KIRREL3: variants seen among roughly 807,000 people sequenced by gnomAD.
KIRREL3 encodes the protein kin of IRRE-like protein 3.
KIRREL3 carries 36 observed loss-of-function variants against 89.7 expected under a neutral mutation model. That is an observed-to-expected ratio of 0.40 (90% CI 0.31 to 0.53). The LOEUF is 0.53. KIRREL3 is among the 20% of genes least tolerant of loss of function. The pLI is 0.49. For synonymous variants in KIRREL3, 445 were observed against 441.4 expected, an observed-to-expected ratio of 1.01 and a Z score of -0.10; for missense variants, 864 against 1,056.6, an observed-to-expected ratio of 0.82 and a Z score of 2.53.
chr11:126,451,023 A>C lies in KIRREL3; in HGVS notation c.849-1866T>G, dbSNP rs865919570. Among the ~76,000 whole-genome samples the C allele has an allele frequency of 2.2e-5, 3 of 134,542 alleles. No homozygotes were observed. The South Asian group carries it at 7.4e-4, about 33-fold the overall frequency. The allele number at this position is 134,542 out of a possible 152,430, so 88.3% of individuals were successfully genotyped here. A position where few individuals can be genotyped will look rare whatever the true frequency, so the allele number is the denominator to read the frequency against. On this transcript the variant is annotated intron_variant, in intron 7 of 16. Coordinates refer to ENST00000525144, the MANE Select transcript of KIRREL3 (RefSeq NM_032531.4). ...TGTGTGCACGTGAGTGCATGTGTCC[A>C]TGTGCATGTGTACATGTGTGAGCAT...
intron 1 of KIRREL3, among the ~76,000 whole-genome samples, chr11:126,964,075 A>G (rs925831627): frequency 6.6e-6 from 1 of 152,208 alleles, no homozygotes; most frequent in Non-Finnish European, 1.5e-5. Flanking sequence ...CATCTCTAGC[A>G]ATTAGTGGGC....
rs376101495 is a variant in KIRREL3 at position 126,504,442 on chromosome 11, G to A, written c.433+16873C>T. On this transcript the variant is annotated intron_variant, in intron 4 of 16. Coordinates refer to ENST00000525144, the MANE Select transcript of KIRREL3 (RefSeq NM_032531.4). ...GGCTCTAAGATCCACAGCTGACTTC[G>A]TCACTTCTATGAGTCTTTGTTTACA... is the stretch of plus-strand genomic sequence containing the variant. 4.1e-4 allele frequency among the ~76,000 whole-genome samples: 62 copies of A among 152,258 alleles called. 1 individual carries two copies. Among genetic ancestry groups the A allele is most frequent in the African/African-American group, 1.3e-3 (53 of 41,558 alleles).
chr11:126,705,629 A>G lies in KIRREL3; in HGVS notation c.56-142717T>C, dbSNP rs1947498608. Among the ~76,000 whole-genome samples, 1 of 152,098 alleles carries G rather than the reference A, an allele frequency of 6.6e-6. No individual in the cohort carries two copies. On this transcript the variant is annotated intron_variant, in intron 1 of 16. Transcript: ENST00000525144. The surrounding 1 kb of genome is among the most constrained non-coding windows in gnomAD (Gnocchi z 4.3). ...TATCCCACCTCAGATATTTCTTTAT[A>G]GTAATGTAAGAATGGTCTAACACTA...
intron 1 of KIRREL3, among the ~76,000 whole-genome samples, chr11:126,963,759 T>G (rs1225683791): frequency 6.6e-6 from 1 of 152,202 alleles, no homozygotes; most frequent in Non-Finnish European, 1.5e-5. Flanking sequence ...GCAACTTCCC[T>G]GACTACTCCC....
intron 4 of KIRREL3, among the ~76,000 whole-genome samples, chr11:126,510,294 T>C (rs4937145): frequency 0.37 from 56,222 of 151,832 alleles, 11,444 homozygotes; most frequent in African/African-American, 0.53. Context: ...TCTATTTCCT[T>C]CCTATAGAAA....
chr11:126,746,103 T>C (rs928231426), intron 1 of KIRREL3, among the ~76,000 whole-genome samples: 2 of 152,204 alleles, frequency 1.3e-5, no homozygotes, highest in African/African-American at 4.8e-5. Flanking sequence ...TACCCACCCT[T>C]TAAATGTTGG....
Position 126,811,728 on chromosome 11 carries a change from C to T in KIRREL3, c.55+188727G>A, listed in dbSNP as rs543761325. ...CAGCCTCCCAAGTAGCGGGGATTACCGGCGCCTGCTACCATGCCCAGCTAA... is the reference window on the plus strand; with the variant it reads ...CAGCCTCCCAAGTAGCGGGGATTACTGGCGCCTGCTACCATGCCCAGCTAA... On this transcript the variant is annotated intron_variant, in intron 1 of 16. Coordinates refer to ENST00000525144, the MANE Select transcript of KIRREL3 (RefSeq NM_032531.4). This position sits in a 1 kb window ranked among gnomAD's most constrained non-coding sequence, Gnocchi z 4.3. 2.6e-5 allele frequency among the ~76,000 whole-genome samples: 4 copies of T among 152,006 alleles called. No individual in the cohort carries two copies. Among genetic ancestry groups the T allele is most frequent in the South Asian group, 2.1e-4 (1 of 4,824 alleles).
chr11:126,577,419 G>A (rs1169907509), intron 1 of KIRREL3, among the ~76,000 whole-genome samples: 1 of 151,886 alleles, frequency 6.6e-6, no homozygotes, highest in African/African-American at 2.4e-5. Flanking sequence ...ACTCAGAGTG[G>A]GGAGGGGGTC....
intron 1 of KIRREL3, among the ~76,000 whole-genome samples, chr11:126,922,440 C>A (rs1024605300): frequency 7.9e-5 from 12 of 152,112 alleles, no homozygotes; most frequent in African/African-American, 2.9e-4. Context: ...ATAAGTATTT[C>A]CTCCATGTCC....
chr11:126,591,097 G>A (rs990300945), intron 1 of KIRREL3, among the ~76,000 whole-genome samples: 1 of 152,114 alleles, frequency 6.6e-6, no homozygotes, highest in African/African-American at 2.4e-5. Context: ...ACGGTGGTGT[G>A]TGCCTGTAGT....
In KIRREL3 at chr11:126,526,510, C is replaced by A; in HGVS notation, c.283+28G>T. On this transcript the variant is annotated intron_variant, in intron 3 of 16. Transcript: ENST00000525144. The surrounding 1 kb of genome is among the most constrained non-coding windows in gnomAD (Gnocchi z 5.7). ...GAGTAAGGAAGTGATGGCCCCAGGC[C>A]CACCCCAGGAGGTCTGGAGGTACTC... 6.3e-7 allele frequency: 1 copy of A among 1,597,266 alleles called. No homozygotes were observed. The highest frequency in any genetic ancestry group is 8.6e-7 in the Non-Finnish European group (1 of 1,167,624).
At position 126,448,978 on chromosome 11, in the gene KIRREL3, C is replaced by T. The variant is rs761725081; in HGVS notation, c.997+31G>A. 36 of 1,574,152 alleles carry T rather than the reference C, an allele frequency of 2.3e-5. No homozygotes were observed. In the African/African-American group the frequency reaches 3.5e-4, roughly 15 times the overall value. On this transcript the variant is annotated intron_variant, in intron 8 of 16. Transcript: ENST00000525144. ...AAGCAGAAACCAGTGGATGCCTGCT[C>T]GCCTGGGGAAGCCTGCACCACTGCA...
At chr11:126,616,840 C>T (rs936458227) in intron 1 of KIRREL3, among the ~76,000 whole-genome samples, 1 of 152,134 alleles carries the variant, frequency 6.6e-6, no homozygotes, top group Admixed American at 6.5e-5. Flanking sequence ...CAGGGTCTCA[C>T]TATTTTGCCC....
Position 126,994,028 on chromosome 11 carries a change from C to T in KIRREL3, c.55+6427G>A, listed in dbSNP as rs1194965811. ...CTTATACTGACATACATAGGCCATC[C>T]ATTGCAGTTTTAGTTTCAATTATCA... On this transcript the variant is annotated intron_variant, in intron 1 of 16. Coordinates refer to ENST00000525144, the MANE Select transcript of KIRREL3 (RefSeq NM_032531.4). This position sits in a 1 kb window ranked among gnomAD's most constrained non-coding sequence, Gnocchi z 5.2. Among the ~76,000 whole-genome samples the T allele has an allele frequency of 1.3e-5, 2 of 151,692 alleles. No individual in the cohort carries two copies. The highest frequency in any genetic ancestry group is 4.9e-5 in the African/African-American group (2 of 41,108).
chr11:126,965,253 T>C lies in KIRREL3; in HGVS notation c.55+35202A>G, dbSNP rs1949229429. ...GTTTGATTACTTTCATTTAGTTAAT[T>C]TATATCCCATTGTTCACAAATCTAC... is the stretch of plus-strand genomic sequence containing the variant. On this transcript the variant is annotated intron_variant, in intron 1 of 16. Coordinates refer to ENST00000525144, the MANE Select transcript of KIRREL3 (RefSeq NM_032531.4). The surrounding 1 kb of genome is among the most constrained non-coding windows in gnomAD (Gnocchi z 4.4). 2.0e-5 allele frequency among the ~76,000 whole-genome samples: 3 copies of C among 152,230 alleles called. No individual in the cohort carries two copies. The highest frequency in any genetic ancestry group is 6.5e-5 in the Admixed American group (1 of 15,282).
At chr11:126,510,019 GAAAAAAGA>G (rs1958160550) in intron 4 of KIRREL3, among the ~76,000 whole-genome samples, 4 of 92,144 alleles carry the variant, frequency 4.3e-5, no homozygotes, top group African/African-American at 1.6e-4. Context: ...AAAAAAAAAA[GAAAAAAGA>G]AAAAAAGAAA....
chr11:126,455,301 G>A lies in KIRREL3; in HGVS notation c.848+1048C>T, dbSNP rs1343719446. ...CTCCAAGGTCACTTAGTCTCCTAGA[G>A]TCTTGTGCAGTGACAGTGCCCAGGC... On this transcript the variant is annotated intron_variant, in intron 7 of 16. Transcript: ENST00000525144. This position sits in a 1 kb window ranked among gnomAD's most constrained non-coding sequence, Gnocchi z 6.4. 2.6e-5 allele frequency among the ~76,000 whole-genome samples: 4 copies of A among 152,344 alleles called. No individual in the cohort carries two copies. The East Asian group carries it at 7.7e-4, about 29-fold the overall frequency.
intron 1 of KIRREL3, among the ~76,000 whole-genome samples, chr11:126,711,989 A>T (rs1215550285): frequency 1.3e-5 from 2 of 152,230 alleles, no homozygotes; most frequent in Non-Finnish European, 2.9e-5. Flanking sequence ...AGGCCACTCC[A>T]CAGTGGCGCT....
chr11:126,681,661 G>C (rs949645479), intron 1 of KIRREL3: 7 of 335,164 alleles, frequency 2.1e-5, no homozygotes, highest in African/African-American at 8.6e-5. Flanking sequence ...CAGTGCTTGA[G>C]ATTTGCAAAT....
Sources: gnomAD v4.1 joint callset for allele counts (sites outside exome capture counted in the v4.1 genomes callset) on GRCh38, gnomAD v4.1.1 for gene constraint, Gnocchi (gnomAD v3.1) non-coding constraint, MANE v1.5 for transcripts, NCBI Gene and HGNC (gene_info 2026-07-23, HGNC 2026-07-21) for gene names.